The following SEC24D variants were observed in gnomAD, a reference collection of about 807,000 sequenced individuals.
SEC24D encodes the protein SEC24 homolog D, COPII component.
Under a neutral mutation model 116.9 loss-of-function variants are expected in SEC24D, and 69 were observed. That is an observed-to-expected ratio of 0.59 (90% CI 0.49 to 0.72). SEC24D has a LOEUF of 0.72. SEC24D is among the 30% of genes least tolerant of loss of function. The probability of loss-of-function intolerance (pLI) is 0.00; values close to 1 mark genes in which losing one functional copy is unlikely to be tolerated. For missense variants in SEC24D, 1,131 were observed against 1,264.1 expected, an observed-to-expected ratio of 0.89 and a Z score of 1.60; for synonymous variants, 405 against 442.8, an observed-to-expected ratio of 0.91 and a Z score of 1.07.
Position 118,738,020 on chromosome 4 carries a change from C to A in SEC24D, c.2496+241G>T, listed in dbSNP as rs1726047698. 3 of 373,820 alleles carry A rather than the reference C, an allele frequency of 8.0e-6. 1 individual carries two copies. Among genetic ancestry groups the A allele is most frequent in the South Asian group, 8.0e-5 (2 of 25,036 alleles). 23.2% of individuals were successfully genotyped at this position (373,820 alleles called of 1,614,324 possible). A position where few individuals can be genotyped will look rare whatever the true frequency, so the allele number is the denominator to read the frequency against. On this transcript the variant is annotated intron_variant, in intron 19 of 22. Transcript: ENST00000280551. ...TACATATAACATTCTTTTGTTTATA[C>A]ATACCGTAGTGACTGTCAACTGAAT...
At chr4:118,801,440 CT>C (rs779939286) in intron 7 of SEC24D, among the ~76,000 whole-genome samples, 1 of 152,046 alleles carries the variant, frequency 6.6e-6, no homozygotes. Context: ...GGAAACCAGA[CT>C]TTTGGCAGCA....
chr4:118,738,828 CTG>C (rs1307006344), intron 18 of SEC24D, among the ~76,000 whole-genome samples: 1 of 152,168 alleles, frequency 6.6e-6, no homozygotes, highest in Non-Finnish European at 1.5e-5. Flanking sequence ...GAGATCGTCT[CTG>C]TCCATTAACC....
At chr4:118,794,408 A>G (rs552663567) in intron 8 of SEC24D, among the ~76,000 whole-genome samples, 18 of 152,312 alleles carry the variant, frequency 1.2e-4, no homozygotes, top group African/African-American at 3.4e-4. Context: ...GGTTTTTGCT[A>G]GTAGATAACT....
rs1303404455 is a variant in SEC24D, at chr4:118,744,000, G to GT, written c.1982dup (p.Tyr661Ter). 1 of 1,597,000 alleles carries GT rather than the reference G, an allele frequency of 6.3e-7. No homozygotes were observed. The highest frequency in any genetic ancestry group is 8.5e-7 in the Non-Finnish European group (1 of 1,174,330). ...TGCTGGCATTTACCTGGAAATTGTT[G>GT]TATTTGTAAAGGGTTCCTCCAGTGA... Reference protein sequence around the residue: ...PQLTGGTLYKYNNFQMHLDRQ... With the variant: ...PQLTGGTLYK Residue 661 changes from tyrosine (Y) to a stop codon, truncating the protein, a stop_gained and frameshift_variant, in exon 15 of 23, where the codon TAC becomes TAAC. Transcript: ENST00000280551. LOFTEE classifies it high-confidence loss of function.
chr4:118,768,607 C>T (rs1270566048), intron 8 of SEC24D, among the ~76,000 whole-genome samples: 1 of 152,154 alleles, frequency 6.6e-6, no homozygotes, highest in Non-Finnish European at 1.5e-5. Flanking sequence ...GTTGGCCAGG[C>T]TGGTCTCGAA....
At chr4:118,778,218 T>C (rs1057327109) in intron 8 of SEC24D, among the ~76,000 whole-genome samples, 2 of 152,226 alleles carry the variant, frequency 1.3e-5, no homozygotes, top group Non-Finnish European at 2.9e-5. Flanking sequence ...TAGGTTTTCT[T>C]CTAGGGTTTT....
chr4:118,827,594 T>A (rs1166161623), intron 2 of SEC24D, among the ~76,000 whole-genome samples: 2 of 152,220 alleles, frequency 1.3e-5, no homozygotes, highest in East Asian at 3.8e-4. Flanking sequence ...TAGACTGCCT[T>A]ACAATTTGTT....
At chr4:118,817,584 T>G (rs1375638123) in intron 3 of SEC24D, among the ~76,000 whole-genome samples, 172 bp from the exon 4 acceptor site, 1 of 152,118 alleles carries the variant, frequency 6.6e-6, no homozygotes, top group East Asian at 1.9e-4. Context: ...AATATGATCA[T>G]GTAGCATCAT....
chr4:118,815,190 A>G, intron 5 of SEC24D, 35 bp from the exon 6 acceptor site: 7 of 1,612,402 alleles, frequency 4.3e-6, no homozygotes, highest in Non-Finnish European at 5.9e-6. Context: ...AATGACTATC[A>G]TCCCAAATCC....
chr4:118,803,260 T>C (rs1729528145), intron 7 of SEC24D, among the ~76,000 whole-genome samples: 2 of 152,218 alleles, frequency 1.3e-5, no homozygotes, highest in South Asian at 4.1e-4. Flanking sequence ...ATAAATTTTA[T>C]GTTATATATA....
At chr4:118,831,553 C>CTTTGAATA (rs1170156687) in intron 2 of SEC24D, among the ~76,000 whole-genome samples, 1 of 151,948 alleles carries the variant, frequency 6.6e-6, no homozygotes, top group Non-Finnish European at 1.5e-5. Flanking sequence ...CCCAGGACAG[C>CTTTGAATA]TTTGAATATG....
intron 6 of SEC24D, among the ~76,000 whole-genome samples, chr4:118,811,999 G>GCCTCA (rs1470894383): frequency 6.6e-6 from 1 of 152,128 alleles, no homozygotes; most frequent in Non-Finnish European, 1.5e-5. Flanking sequence ...GGCAGTCTTG[G>GCCTCA]GACTTGCTTT....
At chr4:118,732,526 C>T (rs1028995707) in intron 20 of SEC24D, among the ~76,000 whole-genome samples, 3 of 152,186 alleles carry the variant, frequency 2.0e-5, no homozygotes, top group Admixed American at 2.0e-4. Flanking sequence ...GATTCCCTCC[C>T]CTCACCATAG....
At chr4:118,778,271 A>G (rs1231349357) in intron 8 of SEC24D, among the ~76,000 whole-genome samples, 1 of 152,136 alleles carries the variant, frequency 6.6e-6, no homozygotes, top group Non-Finnish European at 1.5e-5. Flanking sequence ...TCCATCTTGT[A>G]TTAATTTTTG....
At chr4:118,824,299 A>T (rs1204741333) in intron 3 of SEC24D, among the ~76,000 whole-genome samples, 1 of 151,980 alleles carries the variant, frequency 6.6e-6, no homozygotes, top group African/African-American at 2.4e-5. Flanking sequence ...AACATGCACC[A>T]CCAGGCCGGC....
At chr4:118,784,738 T>G (rs1728584697) in intron 8 of SEC24D, among the ~76,000 whole-genome samples, 7 of 114,646 alleles carry the variant, frequency 6.1e-5, no homozygotes, top group Admixed American at 8.2e-5. Flanking sequence ...CATCCTTCCC[T>G]GCCCCCCCCC....
At chr4:118,820,025 T>C (rs983957990) in intron 3 of SEC24D, among the ~76,000 whole-genome samples, 2 of 152,180 alleles carry the variant, frequency 1.3e-5, no homozygotes, top group South Asian at 4.1e-4. Flanking sequence ...TTAAATATGG[T>C]AAGTCTTAAA....
intron 2 of SEC24D, among the ~76,000 whole-genome samples, chr4:118,830,937 G>A (rs1208596534): frequency 4.6e-5 from 7 of 152,164 alleles, no homozygotes; most frequent in African/African-American, 1.4e-4. Flanking sequence ...ATGGAAAGGA[G>A]AAAGCAGGTA....
intron 6 of SEC24D, among the ~76,000 whole-genome samples, chr4:118,810,811 T>C (rs1460695881): frequency 6.6e-6 from 1 of 152,096 alleles, no homozygotes; most frequent in African/African-American, 2.4e-5. Context: ...ACTAAGTCTT[T>C]GGAAAGGTCC....
Sources: gnomAD v4.1 joint callset for allele counts (sites outside exome capture counted in the v4.1 genomes callset) on GRCh38, gnomAD v4.1.1 for gene constraint, MANE v1.5 for transcripts, NCBI Gene and HGNC (gene_info 2026-07-23, HGNC 2026-07-21) for gene names.